Variants in GALNTL6 observed in about 807,000 individuals in gnomAD.
GALNTL6 encodes the protein polypeptide N-acetylgalactosaminyltransferase like 6, also known as polypeptide N-acetylgalactosaminyltransferase-like 6.
In GALNTL6, 46 loss-of-function variants were observed where a neutral mutation model predicts 73.7. The ratio of observed to expected loss-of-function variants is 0.62; its 90% CI spans 0.49 to 0.80. The LOEUF (loss-of-function observed/expected upper bound fraction) is 0.80, where lower values mean the gene tolerates loss of function less well. GALNTL6 is among the 30% of genes least tolerant of loss of function. The pLI, the probability that GALNTL6 is intolerant of heterozygous loss-of-function variation, is 0.00. For synonymous variants in GALNTL6, 259 were observed against 263.7 expected, an observed-to-expected ratio of 0.98 and a Z score of 0.17; for missense variants, 604 against 755.0, an observed-to-expected ratio of 0.80 and a Z score of 2.34.
At chr4:172,238,653 G>A (rs1360174731) in intron 3 of GALNTL6, among the ~76,000 whole-genome samples, 2 of 152,104 alleles carry the variant, frequency 1.3e-5, no homozygotes, top group African/African-American at 2.4e-5. Context: ...AGGGAGTGAT[G>A]AGAGAGGGTA....
At chr4:172,627,636 C>T (rs941883951) in intron 5 of GALNTL6, among the ~76,000 whole-genome samples, 2 of 150,980 alleles carry the variant, frequency 1.3e-5, no homozygotes, top group East Asian at 1.9e-4. Context: ...GAGCTTTTTG[C>T]GTTGGTAGGT....
chr4:172,230,620 G>T (rs1299553521), intron 3 of GALNTL6, among the ~76,000 whole-genome samples: 1 of 151,926 alleles, frequency 6.6e-6, no homozygotes, highest in Non-Finnish European at 1.5e-5. Flanking sequence ...TTTCTAGAAG[G>T]ACTGAAAAAT....
chr4:172,046,122 A>G (rs1029809650), intron 2 of GALNTL6, among the ~76,000 whole-genome samples: 1 of 151,974 alleles, frequency 6.6e-6, no homozygotes, highest in African/African-American at 2.4e-5. Flanking sequence ...TCCATAATTG[A>G]TTGAGTTGAT....
At chr4:172,455,766 C>T (rs62331672) in intron 5 of GALNTL6, among the ~76,000 whole-genome samples, 64,092 of 152,108 alleles carry the variant, frequency 0.42, 16,315 homozygotes, top group South Asian at 0.67. Flanking sequence ...CAGCTGTGCA[C>T]GCAGCTTCAG....
intron 2 of GALNTL6, among the ~76,000 whole-genome samples, chr4:172,102,945 T>C (rs1732561100): frequency 6.6e-6 from 1 of 152,108 alleles, no homozygotes; most frequent in Non-Finnish European, 1.5e-5. Context: ...GTTGGAGTGA[T>C]GGGGAAAGTA....
intron 2 of GALNTL6, among the ~76,000 whole-genome samples, chr4:172,019,024 G>A (rs1414878600): frequency 1.3e-5 from 2 of 152,150 alleles, no homozygotes; most frequent in African/African-American, 2.4e-5. Context: ...AGATTCCCCA[G>A]TGGGATATGT....
At chr4:171,907,815 G>C (rs1205972975) in intron 2 of GALNTL6, among the ~76,000 whole-genome samples, 3 of 151,694 alleles carry the variant, frequency 2.0e-5, no homozygotes, top group Non-Finnish European at 4.4e-5. Context: ...CAATGGAACA[G>C]AACAGAGCCC....
At chr4:171,973,979 G>A (rs967103377) in intron 2 of GALNTL6, among the ~76,000 whole-genome samples, 11 of 151,770 alleles carry the variant, frequency 7.2e-5, no homozygotes, top group Non-Finnish European at 1.3e-4. Context: ...TTTTGTTTTT[G>A]CAATTTTTTT....
At chr4:173,025,331 A>G (rs909046400) in intron 12 of GALNTL6, among the ~76,000 whole-genome samples, 1 of 152,208 alleles carries the variant, frequency 6.6e-6, no homozygotes, top group East Asian at 1.9e-4. Context: ...CTCACCCAGC[A>G]TCAAACAGGA....
At chr4:172,096,058 T>G (rs1318020989) in intron 2 of GALNTL6, among the ~76,000 whole-genome samples, 2 of 147,324 alleles carry the variant, frequency 1.4e-5, no homozygotes, top group African/African-American at 5.0e-5. Context: ...TGCTGTCATA[T>G]TTTCGATTTC....
chr4:173,009,686 T>C (rs974563659), intron 11 of GALNTL6, among the ~76,000 whole-genome samples: 2 of 152,232 alleles, frequency 1.3e-5, no homozygotes, highest in Non-Finnish European at 2.9e-5. Context: ...GTGTTTGTGA[T>C]GTCATCTTAA....
intron 2 of GALNTL6, among the ~76,000 whole-genome samples, chr4:171,946,391 C>G (rs530692118): frequency 6.6e-6 from 1 of 152,268 alleles, no homozygotes; most frequent in East Asian, 1.9e-4. Context: ...ACTGCTTTTA[C>G]AGCCTTAGCA....
intron 2 of GALNTL6, among the ~76,000 whole-genome samples, chr4:172,138,630 C>T (rs1733719875): frequency 7.0e-6 from 1 of 141,908 alleles, no homozygotes; most frequent in Admixed American, 7.2e-5. Context: ...CCCGGGTTCA[C>T]GCCATTCTCC....
intron 3 of GALNTL6, among the ~76,000 whole-genome samples, chr4:172,273,386 A>G (rs1479096018): frequency 6.6e-6 from 1 of 152,162 alleles, no homozygotes; most frequent in East Asian, 1.9e-4. Context: ...TTTTTTGTGT[A>G]AATATGTATG....
intron 8 of GALNTL6, among the ~76,000 whole-genome samples, chr4:172,921,334 T>C (rs757306989): frequency 2.0e-5 from 3 of 152,226 alleles, no homozygotes; most frequent in Non-Finnish European, 4.4e-5. Flanking sequence ...AACCAGTTTC[T>C]TATTGAAACT....
chr4:172,240,386 G>A (rs559509142), intron 3 of GALNTL6, among the ~76,000 whole-genome samples: 136 of 150,250 alleles, frequency 9.1e-4, no homozygotes, highest in Non-Finnish European at 1.6e-3. Context: ...ATCATGCCCG[G>A]CTAATTTTTT....
intron 10 of GALNTL6, among the ~76,000 whole-genome samples, chr4:173,008,757 A>G (rs1262065275): frequency 6.6e-6 from 1 of 152,202 alleles, no homozygotes; most frequent in Non-Finnish European, 1.5e-5. Context: ...AGGGTCTTTA[A>G]ACTGGCTGCA....
intron 2 of GALNTL6, among the ~76,000 whole-genome samples, chr4:172,014,279 T>A (rs1338689382): frequency 6.6e-6 from 1 of 151,974 alleles, no homozygotes; most frequent in Non-Finnish European, 1.5e-5. Flanking sequence ...AATTTTTAGT[T>A]TTTTGAGGAA....
At chr4:171,843,743 C>G (rs1735301727) in intron 2 of GALNTL6, among the ~76,000 whole-genome samples, 1 of 152,008 alleles carries the variant, frequency 6.6e-6, no homozygotes, top group Admixed American at 6.6e-5. Context: ...AAAAAAATTC[C>G]AAGCAAACAA....
Sources: allele counts gnomAD v4.1 joint callset (sites outside exome capture counted in the v4.1 genomes callset), GRCh38; gene constraint gnomAD v4.1.1; transcripts MANE v1.5; gene names NCBI Gene and HGNC (gene_info 2026-07-23, HGNC 2026-07-21).